PRKAG2: variants seen among roughly 807,000 people sequenced by gnomAD.
PRKAG2 encodes the protein protein kinase AMP-activated non-catalytic subunit gamma 2, also known as 5'-AMP-activated protein kinase subunit gamma-2.
In PRKAG2, 26 loss-of-function variants were observed where a neutral mutation model predicts 69.6. The ratio of observed to expected loss-of-function variants is 0.37; its 90% confidence interval spans 0.27 to 0.52. PRKAG2 has a LOEUF of 0.52. Ranked by LOEUF, PRKAG2 falls within the 20% of genes least tolerant of loss-of-function variation. PRKAG2 has a pLI of 0.90. For synonymous variants in PRKAG2, 293 were observed against 285.0 expected (o/e 1.03, Z -0.28); for missense variants, 557 against 740.0 (o/e 0.75, Z 2.87).
chr7:151,701,730 C>A (rs1183797736), intron 3 of PRKAG2, among the ~76,000 whole-genome samples: 1 of 151,720 alleles, frequency 6.6e-6, no homozygotes, highest in Non-Finnish European at 1.5e-5. Flanking sequence ...TAGTCCCCAG[C>A]TACTCGGGAG....
chr7:151,562,438 G>A (rs987712390), intron 14 of PRKAG2, among the ~76,000 whole-genome samples: 4 of 149,068 alleles, frequency 2.7e-5, no homozygotes, highest in African/African-American at 1.0e-4. Flanking sequence ...CTGTTTGGGT[G>A]ATGTTTCTGT....
At chr7:151,668,713 C>T (rs1174080000) in intron 4 of PRKAG2, among the ~76,000 whole-genome samples, 1 of 152,228 alleles carries the variant, frequency 6.6e-6, no homozygotes, top group Non-Finnish European at 1.5e-5. Context: ...CACCAATCTC[C>T]TCTGCTGTCA....
intron 5 of PRKAG2, among the ~76,000 whole-genome samples, chr7:151,625,413 G>A (rs1461611006): frequency 6.6e-6 from 1 of 152,172 alleles, no homozygotes; most frequent in African/African-American, 2.4e-5. Flanking sequence ...GGGGAGGGAG[G>A]AGAAGGGGGC....
intron 6 of PRKAG2, among the ~76,000 whole-genome samples, chr7:151,580,815 G>A (rs990850940): frequency 6.6e-6 from 1 of 151,208 alleles, no homozygotes; most frequent in Non-Finnish European, 1.5e-5. Context: ...GGGGGTGGGT[G>A]CGGGGAGGAA....
At chr7:151,863,010 T>A (rs1355077789) in intron 1 of PRKAG2, among the ~76,000 whole-genome samples, 1 of 137,634 alleles carries the variant, frequency 7.3e-6, no homozygotes, top group Non-Finnish European at 1.6e-5. Flanking sequence ...GGGGTGCTGG[T>A]AGACCCCAGG....
chr7:151,689,145 G>GT (rs1402641204), intron 3 of PRKAG2, among the ~76,000 whole-genome samples: 1 of 152,220 alleles, frequency 6.6e-6, no homozygotes, highest in Non-Finnish European at 1.5e-5. Context: ...AGTACCTGGA[G>GT]TTTTTTCCTG....
intron 11 of PRKAG2, among the ~76,000 whole-genome samples, chr7:151,568,057 T>C (rs148528974): frequency 1.8e-4 from 27 of 152,334 alleles, no homozygotes; most frequent in African/African-American, 6.3e-4. Context: ...TCCATGCATG[T>C]AATTAAAAGA....
intron 5 of PRKAG2, among the ~76,000 whole-genome samples, chr7:151,628,131 G>C (rs1823467233): frequency 6.6e-6 from 1 of 152,220 alleles, no homozygotes; most frequent in African/African-American, 2.4e-5. Flanking sequence ...TCAAAAACTT[G>C]AAAGAGCCCA....
At chr7:151,837,667 G>A (rs532791924) in intron 1 of PRKAG2, among the ~76,000 whole-genome samples, 47 of 152,260 alleles carry the variant, frequency 3.1e-4, no homozygotes, top group Middle Eastern at 6.8e-3. Context: ...TGCCACACGC[G>A]AGGCACTTTT....
At chr7:151,731,023 A>G (rs1383159169) in intron 3 of PRKAG2, among the ~76,000 whole-genome samples, 1 of 152,232 alleles carries the variant, frequency 6.6e-6, no homozygotes, top group Admixed American at 6.5e-5. Context: ...TGCTGGCCTC[A>G]GAAATGAGCC....
At chr7:151,795,886 T>TAC (rs2077505836) in intron 1 of PRKAG2, among the ~76,000 whole-genome samples, 3 of 109,740 alleles carry the variant, frequency 2.7e-5, no homozygotes, top group East Asian at 3.4e-4. Context: ...TATATATATA[T>TAC]ATATCACGAT....
rs912215522 is a variant in PRKAG2, at chr7:151,583,099, C to T, written c.865-6647G>A. On this transcript the variant is annotated intron_variant, in intron 6 of 15. Transcript: ENST00000287878. This position sits in a 1 kb window ranked among gnomAD's most constrained non-coding sequence, Gnocchi z 4.1. ...ATAGTGGTATGATCACGGCTCACTGCAGCCTCAACCTCGTAGGCTCAAGTG... is the reference window on the plus strand; with the variant it reads ...ATAGTGGTATGATCACGGCTCACTGTAGCCTCAACCTCGTAGGCTCAAGTG... Among the ~76,000 whole-genome samples the T allele has an allele frequency of 6.6e-6, 1 of 152,216 alleles. No homozygotes were observed. Among genetic ancestry groups the T allele is most frequent in the Admixed American group, 6.5e-5 (1 of 15,284 alleles).
intron 12 of PRKAG2, 64 bp from the exon 13 acceptor site, chr7:151,565,447 C>A: frequency 8.5e-7 from 1 of 1,169,680 alleles, no homozygotes; most frequent in South Asian, 1.4e-5. Context: ...CATTTAAAAT[C>A]AGTTTTAATG....
chr7:151,865,725 A>G (rs2080048692), intron 1 of PRKAG2, among the ~76,000 whole-genome samples: 1 of 152,260 alleles, frequency 6.6e-6, no homozygotes, highest in Non-Finnish European at 1.5e-5. Flanking sequence ...GGAACCTATG[A>G]AAGTGGAGAA....
intron 3 of PRKAG2, among the ~76,000 whole-genome samples, chr7:151,713,984 TGGG>T (rs1795735603): frequency 6.6e-6 from 1 of 152,076 alleles, no homozygotes; most frequent in South Asian, 2.1e-4. Context: ...TATCACAATT[TGGG>T]GGTTCAAGTC....
At chr7:151,862,027 C>T (rs1235989418) in intron 1 of PRKAG2, among the ~76,000 whole-genome samples, 1 of 151,950 alleles carries the variant, frequency 6.6e-6, no homozygotes, top group East Asian at 1.9e-4. Flanking sequence ...CGGATGCTCC[C>T]TCCTCCAATG....
intron 3 of PRKAG2, among the ~76,000 whole-genome samples, chr7:151,776,590 C>A (rs897774081): frequency 4.6e-5 from 7 of 152,220 alleles, no homozygotes; most frequent in Non-Finnish European, 8.8e-5. Flanking sequence ...TACACACGGG[C>A]CCCAGCAGGC....
intron 5 of PRKAG2, among the ~76,000 whole-genome samples, chr7:151,608,654 C>A (rs1818069531): frequency 6.6e-6 from 1 of 151,930 alleles, no homozygotes; most frequent in African/African-American, 2.4e-5. Context: ...GTGTTCCTGA[C>A]CTCAGAGAGG....
intron 4 of PRKAG2, among the ~76,000 whole-genome samples, chr7:151,636,022 G>C (rs1011190037): frequency 6.9e-6 from 1 of 145,566 alleles, no homozygotes; most frequent in Non-Finnish European, 1.5e-5. Context: ...CTAATTTTTT[G>C]TATTTTTTTT....
Sources: gnomAD v4.1 joint callset for allele counts (sites outside exome capture counted in the v4.1 genomes callset) on GRCh38, gnomAD v4.1.1 for gene constraint, Gnocchi (gnomAD v3.1) non-coding constraint, MANE v1.5 for transcripts, NCBI Gene and HGNC (gene_info 2026-07-23, HGNC 2026-07-21) for gene names.